Variants in ANKFN1 observed in about 807,000 individuals in gnomAD.
ANKFN1 encodes the protein ankyrin repeat and fibronectin type-III domain-containing protein 1.
A neutral mutation model predicts 108.7 loss-of-function variants in ANKFN1; 74 were observed. That is an observed-to-expected ratio of 0.68 (90% CI 0.56 to 0.83). The LOEUF (loss-of-function observed/expected upper bound fraction) is 0.83. Among genes scored for constraint, ANKFN1 ranks in the 40% least tolerant of loss-of-function variants. ANKFN1 has a pLI of 0.00. For synonymous variants in ANKFN1, 547 were observed against 516.2 expected (o/e 1.06, Z -0.81); for missense variants, 1,505 against 1,382.3 (o/e 1.09, Z -1.41).
chr17:56,380,667 G>A (rs1022360806), intron 8 of ANKFN1, among the ~76,000 whole-genome samples: 5 of 152,222 alleles, frequency 3.3e-5, no homozygotes, highest in African/African-American at 4.8e-5. Flanking sequence ...CTACGCCCAC[G>A]GAGTCTCGCT....
intron 4 of ANKFN1, among the ~76,000 whole-genome samples, chr17:56,074,942 T>A (rs1003878199): frequency 6.6e-6 from 1 of 152,200 alleles, no homozygotes; most frequent in African/African-American, 2.4e-5. Context: ...GTACAGCATG[T>A]TATCATGTGC....
intron 8 of ANKFN1, among the ~76,000 whole-genome samples, chr17:56,406,410 A>G (rs9901787): frequency 6.6e-6 from 1 of 152,188 alleles, no homozygotes; most frequent in African/African-American, 2.4e-5. Context: ...GTAACCATAG[A>G]GGGTGAATTT....
intron 19 of ANKFN1, among the ~76,000 whole-genome samples, chr17:56,496,785 CA>C (rs2051214230): frequency 6.6e-6 from 1 of 152,108 alleles, no homozygotes; most frequent in South Asian, 2.1e-4. Flanking sequence ...ATAATATTCA[CA>C]GGTTCTGGAG....
At chr17:56,273,907 C>G (rs902617332) in intron 3 of ANKFN1, among the ~76,000 whole-genome samples, 31 of 152,174 alleles carry the variant, frequency 2.0e-4, no homozygotes, top group Non-Finnish European at 5.9e-5. Context: ...CAGTTTGATT[C>G]AGGGTCCCAA....
chr17:56,128,137 G>A (rs1355868824), intron 4 of ANKFN1, among the ~76,000 whole-genome samples: 2 of 151,758 alleles, frequency 1.3e-5, no homozygotes, highest in Non-Finnish European at 2.9e-5. Flanking sequence ...CCAATACATC[G>A]ACAGGTTAAA....
intron 4 of ANKFN1, among the ~76,000 whole-genome samples, chr17:56,136,014 G>T (rs1036924184): frequency 5.3e-5 from 8 of 152,132 alleles, no homozygotes; most frequent in Non-Finnish European, 1.0e-4. Context: ...ATCATTTCAT[G>T]CTCTAAGAAC....
chr17:56,404,745 T>C (rs942289300), intron 8 of ANKFN1, among the ~76,000 whole-genome samples: 1 of 152,164 alleles, frequency 6.6e-6, no homozygotes, highest in African/African-American at 2.4e-5. Flanking sequence ...TGTTTTGTCA[T>C]ATTACTAGGG....
chr17:56,278,930 T>TAGTGTGGATTTTTTTTTTA lies in ANKFN1; in HGVS notation c.54-47288_54-47270dup, dbSNP rs1186071349. ...GAAGCTTAAAGGTGAAAGATCTATT[T>TAGTGTGGATTTTTTTTTTA]AGTGTGGATTTTTTTTTTAAGCTTC... On this transcript the variant is annotated intron_variant, in intron 3 of 20. Transcript: ENST00000682825. Among the ~76,000 whole-genome samples the TAGTGTGGATTTTTTTTTTA allele has an allele frequency of 5.9e-5, 9 of 152,348 alleles. No individual in the cohort carries two copies. In the East Asian group the frequency reaches 1.7e-3, roughly 29 times the overall value.
chr17:56,117,918 A>T (rs1006908804), intron 4 of ANKFN1, among the ~76,000 whole-genome samples: 3 of 152,002 alleles, frequency 2.0e-5, no homozygotes, highest in African/African-American at 4.8e-5. Context: ...TGGCTACCAG[A>T]CTCATTGACT....
At position 56,206,153 on chromosome 17, in the gene ANKFN1, A is replaced by G. The variant is rs141472449; in HGVS notation, c.-70-6445A>G. 9.0e-4 allele frequency among the ~76,000 whole-genome samples: 137 copies of G among 152,190 alleles called. 1 individual carries two copies. In the East Asian group the frequency reaches 0.024, roughly 26 times the overall value. ...AAAAATTTTGGAGAAAATGCCCACC[A>G]CTTACCAATAGCCCTAGTATATATT... On this transcript the variant is annotated intron_variant, in intron 1 of 20. Coordinates refer to ENST00000682825, the MANE Select transcript of ANKFN1 (RefSeq NM_001370326.1).
chr17:56,316,188 G>T (rs1485221335), intron 3 of ANKFN1, among the ~76,000 whole-genome samples: 7 of 152,028 alleles, frequency 4.6e-5, no homozygotes, highest in Admixed American at 4.6e-4. Flanking sequence ...ATAATTGCTG[G>T]GTCTTATTAC....
intron 8 of ANKFN1, among the ~76,000 whole-genome samples, chr17:56,437,063 A>G (rs1178718522): frequency 1.3e-5 from 2 of 152,126 alleles, no homozygotes; most frequent in Non-Finnish European, 1.5e-5. Flanking sequence ...TTTGATGTGA[A>G]TCTTCTTTTT....
intron 8 of ANKFN1, among the ~76,000 whole-genome samples, chr17:56,384,454 A>T (rs1249201419): frequency 6.6e-6 from 1 of 152,218 alleles, no homozygotes; most frequent in Non-Finnish European, 1.5e-5. Flanking sequence ...CCTATTCAAC[A>T]TAGTGTTGGA....
chr17:56,213,519 C>T (rs1915191807), intron 2 of ANKFN1, among the ~76,000 whole-genome samples: 1 of 152,134 alleles, frequency 6.6e-6, no homozygotes, highest in Non-Finnish European at 1.5e-5. Context: ...AAGCCTCCAC[C>T]TCAAGGAAAA....
chr17:56,195,580 T>C (rs1913432092), intron 1 of ANKFN1, among the ~76,000 whole-genome samples: 1 of 152,180 alleles, frequency 6.6e-6, no homozygotes, highest in Non-Finnish European at 1.5e-5. Flanking sequence ...ACTAGCTCTG[T>C]AGGAAAACCC....
chr17:56,390,901 T>C (rs927911861), intron 8 of ANKFN1, among the ~76,000 whole-genome samples: 1 of 152,168 alleles, frequency 6.6e-6, no homozygotes, highest in Non-Finnish European at 1.5e-5. Context: ...AGTGCTATTA[T>C]GCCCTCCACC....
chr17:56,227,562 G>C (rs1232176913), intron 2 of ANKFN1, among the ~76,000 whole-genome samples: 1 of 152,074 alleles, frequency 6.6e-6, no homozygotes, highest in Non-Finnish European at 1.5e-5. Context: ...AGAAGCAAGA[G>C]AATGATGAGC....
intron 2 of ANKFN1, among the ~76,000 whole-genome samples, chr17:56,227,167 C>G (rs1916346529): frequency 6.6e-6 from 1 of 152,050 alleles, no homozygotes. Context: ...CTGCCATTTC[C>G]TATTAAACCT....
At chr17:56,423,647 T>A (rs1023928776) in intron 8 of ANKFN1, among the ~76,000 whole-genome samples, 15 of 152,154 alleles carry the variant, frequency 9.9e-5, no homozygotes, top group Admixed American at 7.9e-4. Context: ...CTCCCTGGAA[T>A]GCCCCAAGAT....
Sources: gnomAD v4.1 joint callset for allele counts (sites outside exome capture counted in the v4.1 genomes callset) on GRCh38, gnomAD v4.1.1 for gene constraint, MANE v1.5 for transcripts, NCBI Gene and HGNC (gene_info 2026-07-23, HGNC 2026-07-21) for gene names.